The following JCAD variants were observed in gnomAD, a reference collection of about 807,000 sequenced individuals.
The protein encoded by JCAD is junctional cadherin 5 associated.
A neutral mutation model predicts 98.0 loss-of-function variants in JCAD; 40 were observed. The observed-to-expected ratio is 0.41, with a 90% confidence interval of 0.32 to 0.53. JCAD has a LOEUF of 0.53. Ranked by LOEUF, JCAD falls within the 20% of genes least tolerant of loss-of-function variation. JCAD has a pLI of 0.31. For synonymous variants in JCAD, 691 were observed against 682.3 expected, an observed-to-expected ratio of 1.01 and a Z score of -0.20; for missense variants, 1,705 against 1,738.1, an observed-to-expected ratio of 0.98 and a Z score of 0.34.
chr10:30,050,227 A>G (rs975790201), intron 1 of JCAD, among the ~76,000 whole-genome samples: 3 of 149,892 alleles, frequency 2.0e-5, no homozygotes, highest in Admixed American at 1.3e-4. Context: ...AAGGAGGACA[A>G]TCGCTTGAAC....
intron 2 of JCAD, among the ~76,000 whole-genome samples, chr10:30,037,934 T>TAAAAAAAAAAAAAAAAAAAAA (rs57504197): frequency 9.1e-6 from 1 of 109,328 alleles, no homozygotes. Flanking sequence ...ATGGAAAAAT[T>TAAAAAAAAAAAAAAAAAAAAA]AAAAAAAAAA....
At chr10:30,086,000 A>C (rs1198062409) in intron 1 of JCAD, among the ~76,000 whole-genome samples, 2 of 152,222 alleles carry the variant, frequency 1.3e-5, no homozygotes, top group Non-Finnish European at 2.9e-5. Context: ...TGCAGGCAAA[A>C]TGTATAAAAC....
intron 1 of JCAD, among the ~76,000 whole-genome samples, chr10:30,102,739 T>C (rs373584962): frequency 2.6e-4 from 39 of 152,350 alleles, no homozygotes; most frequent in East Asian, 9.6e-4. Flanking sequence ...CTCACACTGC[T>C]AATAAACACA....
chr10:30,104,107 A>G (rs907360377), intron 1 of JCAD, among the ~76,000 whole-genome samples: 5 of 152,234 alleles, frequency 3.3e-5, no homozygotes, highest in Non-Finnish European at 5.9e-5. Flanking sequence ...AAGTTAACTT[A>G]CAGAGGCCTG....
chr10:30,085,562 G>A (rs1032697986), intron 1 of JCAD, among the ~76,000 whole-genome samples: 3 of 152,148 alleles, frequency 2.0e-5, no homozygotes, highest in African/African-American at 7.2e-5. Context: ...TTACGTGATG[G>A]GATGAAGGAA....
At chr10:30,057,171 A>T (rs1303689107) in intron 1 of JCAD, among the ~76,000 whole-genome samples, 1 of 152,210 alleles carries the variant, frequency 6.6e-6, no homozygotes, top group East Asian at 1.9e-4. Flanking sequence ...AACGCTCTCC[A>T]GATTAATTAG....
At chr10:30,110,875 AATGTATAGACCAGCTG>A (rs1838685694) in intron 1 of JCAD, among the ~76,000 whole-genome samples, 1 of 146,462 alleles carries the variant, frequency 6.8e-6, no homozygotes, top group Non-Finnish European at 1.5e-5. Flanking sequence ...TATAGACCCC[AATGTATAGACCAGCTG>A]ATGTGTGAAC....
At chr10:30,067,066 A>G (rs1837796738) in intron 2 of JCAD, among the ~76,000 whole-genome samples, 2 of 151,822 alleles carry the variant, frequency 1.3e-5, no homozygotes, top group Non-Finnish European at 2.9e-5. Context: ...GTTACTCAGG[A>G]GGCTGAGGTG....
intron 1 of JCAD, among the ~76,000 whole-genome samples, chr10:30,052,772 G>C (rs1837495874): frequency 6.6e-6 from 1 of 152,186 alleles, no homozygotes; most frequent in Non-Finnish European, 1.5e-5. Flanking sequence ...CGATGCTATG[G>C]TCTAGGTGGT....
intron 1 of JCAD, among the ~76,000 whole-genome samples, chr10:30,079,550 A>G (rs1381420607): frequency 2.0e-5 from 3 of 152,114 alleles, no homozygotes; most frequent in Non-Finnish European, 2.9e-5. Context: ...GTCTAGGCAG[A>G]GAATCTTTGT....
chr10:30,089,361 T>A (rs1043255205), intron 1 of JCAD, among the ~76,000 whole-genome samples: 10 of 152,136 alleles, frequency 6.6e-5, no homozygotes, highest in African/African-American at 2.4e-4. Context: ...GAGAAGAGCA[T>A]CTGTCTTCCA....
intron 1 of JCAD, among the ~76,000 whole-genome samples, chr10:30,058,263 T>C (rs1837620800): frequency 6.6e-6 from 1 of 152,142 alleles, no homozygotes; most frequent in Non-Finnish European, 1.5e-5. Context: ...CAGGAAACCC[T>C]GGGAGTTGTG....
rs2132643587 is a variant in JCAD, at chr10:30,047,581, C to G, written c.232G>C (p.Gly78Arg). ...GAAGTGCTCTGGGGCTCCCCGTGGC[C>G]TCTCGGTGTGCTGCGGCGGCTTTCG... ...DSESRRSTPR[G>R]HGEPQSTSAS... Residue 78 changes from glycine (G) to arginine (R), a missense_variant, in exon 2 of 4, where the codon GGC (glycine) becomes CGC (arginine). Gly to Arg is a moderately radical substitution (Grantham distance 125, BLOSUM62 -2). Coordinates refer to ENST00000375377, the MANE Select transcript of JCAD (RefSeq NM_020848.4). 1 of 1,614,142 alleles carries G rather than the reference C, an allele frequency of 6.2e-7. No homozygotes were observed. Among genetic ancestry groups the G allele is most frequent in the East Asian group, 2.2e-5 (1 of 44,862 alleles).
In JCAD at chr10:30,088,189, G is replaced by A. The variant is rs536288135; in HGVS notation, n.129-18368C>T. Among the ~76,000 whole-genome samples the A allele has an allele frequency of 1.5e-4, 23 of 152,314 alleles. 1 individual carries two copies. The highest frequency in any genetic ancestry group is 2.5e-4 in the Non-Finnish European group (17 of 68,030). Reference sequence around the variant, plus strand: ...TTAGTGAAGGTGGAGAGTGGGTCTGGTGAAAAAGCAAAGTAGGCTGAGTGT... The same window carrying A: ...TTAGTGAAGGTGGAGAGTGGGTCTGATGAAAAAGCAAAGTAGGCTGAGTGT... On this transcript the variant is annotated intron_variant and non_coding_transcript_variant, in intron 1 of 2. Transcript: ENST00000465712.
intron 1 of JCAD, among the ~76,000 whole-genome samples, chr10:30,104,169 C>T (rs900175755): frequency 2.0e-5 from 3 of 152,190 alleles, no homozygotes; most frequent in Admixed American, 6.5e-5. Context: ...GGTCGTGGAG[C>T]GTAAGTCCTG....
In JCAD at chr10:30,027,366, A is replaced by T. The variant is rs372673489; in HGVS notation, c.2782T>A (p.Trp928Arg). The change falls in exon 3 of 4, where the codon TGG becomes AGG. Residue 928 changes from tryptophan (W) to arginine (R), a missense_variant. Coordinates refer to ENST00000375377, the MANE Select transcript of JCAD (RefSeq NM_020848.4). Reference sequence around the variant, plus strand: ...CGAAAGCGGCCCGGGGATGGAGGCCAGGCACGTGGGTGGCCAGGCTGCAGC... The same window carrying T: ...CGAAAGCGGCCCGGGGATGGAGGCCTGGCACGTGGGTGGCCAGGCTGCAGC... ...EELQPGHPRA[W>R]PPSPGRFRVE... 5 of 1,610,048 alleles carry T rather than the reference A, an allele frequency of 3.1e-6. No homozygotes were observed. In the African/African-American group the frequency reaches 5.3e-5, roughly 17 times the overall value.
intron 2 of JCAD, among the ~76,000 whole-genome samples, chr10:30,045,617 C>T (rs778529112): frequency 1.3e-5 from 2 of 152,222 alleles, no homozygotes; most frequent in Non-Finnish European, 2.9e-5. Context: ...TATCTGAACC[C>T]TCAGACAACT....
Position 30,027,391 on chromosome 10 carries a change from CTCCTCACTCCAGCTCTCAGACTT to C in JCAD, c.2734_2756del (p.Lys912AlafsTer43). ...AGGCACGTGGGTGGCCAGGCTGCAG[CTCCTCACTCCAGCTCTCAGACTT>C]ACTCTCACCTCTTCCCGACCTACAC... On this transcript the variant is annotated frameshift_variant, in exon 3 of 4. Transcript: ENST00000375377. LOFTEE classifies it high-confidence loss of function. The C allele has an allele frequency of 6.2e-7, 1 of 1,607,198 alleles. No individual in the cohort carries two copies. Among genetic ancestry groups the C allele is most frequent in the Non-Finnish European group, 8.5e-7 (1 of 1,180,002 alleles).
At position 30,073,939 on chromosome 10, in the gene JCAD, T is replaced by G. The variant is rs1045588335; in HGVS notation, n.129-4118A>C. On this transcript the variant is annotated intron_variant and non_coding_transcript_variant, in intron 1 of 2. Transcript: ENST00000465712. ...AGCACAAGACTGCGAGATAACACTTTAATGAGAAGATTCTTATGTAATGGG... is the reference window on the plus strand; with the variant it reads ...AGCACAAGACTGCGAGATAACACTTGAATGAGAAGATTCTTATGTAATGGG... 5.3e-5 allele frequency among the ~76,000 whole-genome samples: 8 copies of G among 152,154 alleles called. No homozygotes were observed. In the East Asian group the frequency reaches 9.6e-4, roughly 18 times the overall value.
Sources: gnomAD v4.1 joint callset for allele counts (sites outside exome capture counted in the v4.1 genomes callset) on GRCh38, gnomAD v4.1.1 for gene constraint, MANE v1.5 for transcripts, NCBI Gene and HGNC (gene_info 2026-07-23, HGNC 2026-07-21) for gene names.